The following DISC1 variants were observed in gnomAD, a reference collection of about 807,000 sequenced individuals.
DISC1 encodes the protein DISC1 scaffold protein, also known as disrupted in schizophrenia 1 protein.
DISC1 carries 57 observed loss-of-function variants against 84.5 expected under a neutral mutation model. The observed-to-expected ratio is 0.67, with a 90% CI of 0.55 to 0.84. The LOEUF (loss-of-function observed/expected upper bound fraction) is 0.84. Among genes scored for constraint, DISC1 ranks in the 40% least tolerant of loss-of-function variants. The pLI, the probability that DISC1 is intolerant of heterozygous loss-of-function variation, is 0.00. For synonymous variants in DISC1, 411 were observed against 415.2 expected (o/e 0.99, Z 0.12); for missense variants, 1,000 against 1,057.8 (o/e 0.95, Z 0.76).
intron 6 of DISC1, among the ~76,000 whole-genome samples, chr1:231,790,073 C>T (rs201068642): frequency 2.0e-4 from 30 of 152,142 alleles, no homozygotes; most frequent in Non-Finnish European, 4.1e-4. Context: ...TAATGTTCTA[C>T]ACACGTTTAT....
In DISC1 at chr1:231,954,454, T is replaced by G. The variant is rs1306639416; in HGVS notation, c.1982-4374T>G. Reference sequence around the variant, plus strand: ...AACTAATTGTATGAATTCCACTCTGTTATCATGGCCTGAACCTGAATATCA... The same window carrying G: ...AACTAATTGTATGAATTCCACTCTGGTATCATGGCCTGAACCTGAATATCA... On this transcript the variant is annotated intron_variant, in intron 9 of 12. Coordinates refer to ENST00000439617, the MANE Select transcript of DISC1 (RefSeq NM_018662.3). The surrounding 1 kb of genome is among the most constrained non-coding windows in gnomAD (Gnocchi z 4.8). 6.6e-6 allele frequency among the ~76,000 whole-genome samples: 1 copy of G among 152,150 alleles called. No individual in the cohort carries two copies. Among genetic ancestry groups the G allele is most frequent in the Non-Finnish European group, 1.5e-5 (1 of 68,034 alleles).
At chr1:231,866,182 C>T (rs561588200) in intron 9 of DISC1, among the ~76,000 whole-genome samples, 1 of 152,066 alleles carries the variant, frequency 6.6e-6, no homozygotes, top group Non-Finnish European at 1.5e-5. Flanking sequence ...ACCCCCTGCA[C>T]GTGCAGAGCA....
intron 1 of DISC1, among the ~76,000 whole-genome samples, chr1:231,643,428 C>T (rs1048133842): frequency 1.1e-4 from 17 of 152,184 alleles, no homozygotes; most frequent in African/African-American, 7.2e-5. Flanking sequence ...ACTGTATACA[C>T]GGTGTGGGGG....
intron 12 of DISC1, among the ~76,000 whole-genome samples, chr1:232,034,227 A>G (rs976831788): frequency 2.0e-5 from 3 of 152,204 alleles, no homozygotes; most frequent in Non-Finnish European, 4.4e-5. Context: ...AGCCTAAGGT[A>G]TTTGTTACAT....
chr1:231,628,887 G>A (rs1326849851), intron 1 of DISC1, among the ~76,000 whole-genome samples: 1 of 152,026 alleles, frequency 6.6e-6, no homozygotes, highest in South Asian at 2.1e-4. Flanking sequence ...GATTACAGGC[G>A]CATGCCACCA....
intron 8 of DISC1, among the ~76,000 whole-genome samples, chr1:231,802,901 T>A (rs950306314): frequency 1.5e-4 from 23 of 152,148 alleles, no homozygotes; most frequent in Non-Finnish European, 7.4e-5. Context: ...CGGAGGCCCA[T>A]GAGGCTTCTG....
intron 9 of DISC1, among the ~76,000 whole-genome samples, chr1:231,906,535 C>T (rs2088656600): frequency 6.6e-6 from 1 of 152,194 alleles, no homozygotes; most frequent in South Asian, 2.1e-4. Flanking sequence ...GATAAGGCAG[C>T]TGTGTGTGAA....
intron 9 of DISC1, among the ~76,000 whole-genome samples, chr1:231,903,544 G>A (rs1194998940): frequency 6.6e-6 from 1 of 152,198 alleles, no homozygotes; most frequent in South Asian, 2.1e-4. Context: ...TGCCTGTGTG[G>A]GGAGGCTCTA....
At chr1:231,671,686 C>T (rs1365186562) in intron 1 of DISC1, among the ~76,000 whole-genome samples, 1 of 152,120 alleles carries the variant, frequency 6.6e-6, no homozygotes, top group African/African-American at 2.4e-5. Context: ...CAGGTATTCT[C>T]ATGGTTTTAA....
intron 10 of DISC1, among the ~76,000 whole-genome samples, chr1:231,983,654 T>A (rs947604732): frequency 1.0e-4 from 1 of 10,016 alleles, no homozygotes. Context: ...GGGGAGGGGG[T>A]GGAGGTGGGG....
chr1:231,926,856 C>G (rs926157756), intron 9 of DISC1, among the ~76,000 whole-genome samples: 4 of 152,182 alleles, frequency 2.6e-5, no homozygotes, highest in African/African-American at 9.7e-5. Context: ...CCCTTTGTGA[C>G]CTCCTTTAAG....
intron 9 of DISC1, among the ~76,000 whole-genome samples, chr1:231,937,726 A>G (rs1402291970): frequency 6.6e-6 from 1 of 152,098 alleles, no homozygotes; most frequent in Non-Finnish European, 1.5e-5. Context: ...TTGGGGACTG[A>G]AGGGGACCCG....
intron 10 of DISC1, among the ~76,000 whole-genome samples, chr1:232,003,051 A>G (rs185175819): frequency 2.2e-3 from 342 of 152,296 alleles, no homozygotes; most frequent in Non-Finnish European, 3.5e-3. Flanking sequence ...TTGTATGTGA[A>G]TTTAATAAAA....
intron 9 of DISC1, among the ~76,000 whole-genome samples, chr1:231,884,156 T>A (rs952073817): frequency 2.6e-5 from 4 of 152,208 alleles, no homozygotes; most frequent in African/African-American, 9.6e-5. Flanking sequence ...CAGGGACTGA[T>A]GTACCTGCTC....
intron 1 of DISC1, among the ~76,000 whole-genome samples, chr1:231,649,024 G>A (rs2060387870): frequency 6.6e-6 from 1 of 151,632 alleles, no homozygotes; most frequent in African/African-American, 2.4e-5. Context: ...TGGATTCATT[G>A]ATTTTTTGAA....
At chr1:231,677,882 C>T (rs1218364232) in intron 1 of DISC1, among the ~76,000 whole-genome samples, 3 of 152,020 alleles carry the variant, frequency 2.0e-5, no homozygotes, top group Non-Finnish European at 4.4e-5. Context: ...AGGAGGCTGA[C>T]AGGAGGATCG....
At chr1:232,012,285 A>G (rs1233912023) in intron 11 of DISC1, among the ~76,000 whole-genome samples, 2 of 152,186 alleles carry the variant, frequency 1.3e-5, no homozygotes, top group Admixed American at 1.3e-4. Flanking sequence ...GTCAAGAAGT[A>G]GACATGAGCA....
intron 9 of DISC1, among the ~76,000 whole-genome samples, chr1:231,860,738 AT>A (rs1430024897): frequency 1.4e-4 from 22 of 152,118 alleles, no homozygotes; most frequent in Non-Finnish European, 2.8e-4. Context: ...CACAATTCTC[AT>A]TTTTTGTTAT....
chr1:231,875,502 C>T (rs974215549), intron 9 of DISC1, among the ~76,000 whole-genome samples: 15 of 152,318 alleles, frequency 9.8e-5, no homozygotes, highest in Non-Finnish European at 1.9e-4. Flanking sequence ...CCCTTGGGTA[C>T]TTGGGCAATT....
Sources: allele counts gnomAD v4.1 joint callset (sites outside exome capture counted in the v4.1 genomes callset), GRCh38; gene constraint gnomAD v4.1.1; non-coding constraint Gnocchi (gnomAD v3.1); transcripts MANE v1.5; gene names NCBI Gene and HGNC (gene_info 2026-07-23, HGNC 2026-07-21).